NCAPG: variants seen among roughly 807,000 people sequenced by gnomAD.
NCAPG encodes condensin complex subunit 3.
Under a neutral mutation model 113.1 loss-of-function variants are expected in NCAPG, and 69 were observed. The observed-to-expected ratio is 0.61, with a 90% CI of 0.50 to 0.75. The LOEUF (loss-of-function observed/expected upper bound fraction) is 0.75. Among genes scored for constraint, NCAPG ranks in the 30% least tolerant of loss-of-function variants. The pLI is 0.00. For synonymous variants in NCAPG, 370 were observed against 415.8 expected (o/e 0.89, Z 1.34); for missense variants, 1,058 against 1,177.0 (o/e 0.90, Z 1.48).
intron 20 of NCAPG, chr4:17,842,647 C>G (rs1043687394): frequency 3.1e-6 from 1 of 319,582 alleles, no homozygotes. Context: ...GATGTGACTC[C>G]TCTTTGATCT....
Position 17,811,091 on chromosome 4 carries a change from G to T in NCAPG, c.14G>T (p.Arg5Met). 1 of 1,524,392 alleles carries T rather than the reference G, an allele frequency of 6.6e-7. No individual in the cohort carries two copies. Among genetic ancestry groups the T allele is most frequent in the Admixed American group, 2.1e-5 (1 of 48,418 alleles). 94.4% of individuals were successfully genotyped at this position (1,524,392 alleles called of 1,614,324 possible). Residue 5 changes from arginine to methionine, a missense_variant, in exon 1 of 21, where the codon AGG becomes ATG. Coordinates refer to ENST00000251496, the MANE Select transcript of NCAPG (RefSeq NM_022346.5). The surrounding 1 kb of genome is among the most constrained non-coding windows in gnomAD (Gnocchi z 5.3). ...GGTTCCAGAGCCATGGGAGCGGAAA[G>T]GAGGCTGCTGTCGATTAAGGAGGCC... The part of the protein sequence containing the change: MGAE[R>M]RLLSIKEAFR...
Position 17,813,155 on chromosome 4 carries a change from G to A in NCAPG, c.544+10G>A. On this transcript the variant is annotated intron_variant, in intron 3 of 20. Transcript: ENST00000251496. The stretch of plus-strand genomic sequence containing the variant: ...TGCCCAGTGGTTAATGGTGTGTGTA[G>A]TTTCCTAAATCTTTTTTCAGATTTG... 1 of 1,581,028 alleles carries A rather than the reference G, an allele frequency of 6.3e-7. No individual in the cohort carries two copies. Among genetic ancestry groups the A allele is most frequent in the Non-Finnish European group, 8.6e-7 (1 of 1,165,106 alleles).
At chr4:17,828,212 G>C (rs1721730041) in intron 11 of NCAPG, 66 bp from the exon 12 acceptor site, 6 of 1,166,692 alleles carry the variant, frequency 5.1e-6, no homozygotes, top group Non-Finnish European at 7.5e-6. Context: ...AAAGCCCTGA[G>C]AAAGCAAACA....
Position 17,842,308 on chromosome 4 carries a change from A to T in NCAPG, c.2855-2A>T. 1.2e-6 allele frequency: 2 copies of T among 1,611,410 alleles called. No homozygotes were observed. Among genetic ancestry groups the T allele is most frequent in the Non-Finnish European group, 1.7e-6 (2 of 1,177,934 alleles). On this transcript the variant is annotated splice_acceptor_variant, in intron 19 of 20. Transcript: ENST00000251496. LOFTEE classifies it high-confidence loss of function. ...CTGATAATGAATTATACTATCTTCA[A>T]GGACAGAGAAAAGTGACAGTTTCAG...
intron 13 of NCAPG, among the ~76,000 whole-genome samples, 200 bp downstream of exon 13, chr4:17,831,316 A>G (rs2109058709): frequency 6.6e-6 from 1 of 152,320 alleles, no homozygotes; most frequent in South Asian, 2.1e-4. Context: ...ATTATGTAAG[A>G]TATTCTTTTA....
rs1317747710 is a variant in NCAPG, at chr4:17,837,267, C to A, written c.2218C>A (p.Pro740Thr). Residue 740 changes from proline to threonine, a missense_variant, in exon 15 of 21, where the codon CCT becomes ACT. Transcript: ENST00000251496. ...LSRLILLWYN[P>T]VTEEDVQLRH... Reference sequence around the variant, plus strand: ...TCGTCTTATTTTGTTATGGTACAATCCTGTGACTGAAGAGGATGTTCAACT... The same window carrying A: ...TCGTCTTATTTTGTTATGGTACAATACTGTGACTGAAGAGGATGTTCAACT... 1 of 1,613,952 alleles carries A rather than the reference C, an allele frequency of 6.2e-7. No homozygotes were observed. The highest frequency in any genetic ancestry group is 1.7e-5 in the Admixed American group (1 of 59,974).
chr4:17,815,905 C>A (rs1721185897), intron 5 of NCAPG, among the ~76,000 whole-genome samples: 1 of 151,970 alleles, frequency 6.6e-6, no homozygotes, highest in South Asian at 2.1e-4. Context: ...ATACTTAAGT[C>A]TGTAGAGCTA....
chr4:17,840,074 G>A lies in NCAPG; in HGVS notation c.2632G>A (p.Val878Ile), dbSNP rs746015085. Residue 878 changes from valine to isoleucine, a missense_variant, in exon 18 of 21, where the codon GTA becomes ATA. Coordinates refer to ENST00000251496, the MANE Select transcript of NCAPG (RefSeq NM_022346.5). The stretch of plus-strand genomic sequence containing the variant: ...TTAATAATGTTTTCTTTTATAGCAA[G>A]TAAAAGATAGGACATGTCTGAGAGC... ...LVLLNEILEQVKDRTCLRALE... is the reference protein window; with the variant it reads ...LVLLNEILEQIKDRTCLRALE... The A allele has an allele frequency of 6.3e-7, 1 of 1,595,590 alleles. No individual in the cohort carries two copies. The highest frequency in any genetic ancestry group is 1.1e-5 in the South Asian group (1 of 87,008).
chr4:17,818,106 T>C lies in NCAPG; in HGVS notation c.1118+18T>C, dbSNP rs750892067. The stretch of plus-strand genomic sequence containing the variant: ...TTATTGAGGTAAATTTTTTTTCTTT[T>C]AGTTTGGAGAGTGATTGTGTTGCTG... On this transcript the variant is annotated intron_variant, in intron 7 of 20. Transcript: ENST00000251496. The C allele has an allele frequency of 3.8e-6, 6 of 1,590,634 alleles. No homozygotes were observed. The African/African-American group carries it at 6.8e-5, about 18-fold the overall frequency.
At chr4:17,833,469 A>AAT (rs1553851010) in intron 13 of NCAPG, among the ~76,000 whole-genome samples, 23 of 148,844 alleles carry the variant, frequency 1.5e-4, no homozygotes, top group African/African-American at 4.5e-4. Flanking sequence ...AAAAAAAAAA[A>AAT]ATATATATAT....
chr4:17,842,532 C>G, intron 20 of NCAPG, 153 bp downstream of exon 20: 1 of 619,796 alleles, frequency 1.6e-6, no homozygotes, highest in Admixed American at 3.0e-5. Context: ...TCTAAAATTC[C>G]ATCATCAAGA....
rs1262390442 is a variant in NCAPG, at chr4:17,834,427, A to C, written c.2013A>C (p.Glu671Asp). Residue 671 changes from glutamate (E) to aspartate (D), a missense_variant, in exon 14 of 21, where the codon GAA becomes GAC. Physicochemically the swap from Glu to Asp is conservative, Grantham distance 45. Coordinates refer to ENST00000251496, the MANE Select transcript of NCAPG (RefSeq NM_022346.5). Reference sequence around the variant, plus strand: ...AAACACTTCATTGTGAAGGTACAGAAATAAACAGTGATGATGAGCAAGAAT... The same window carrying C: ...AAACACTTCATTGTGAAGGTACAGACATAAACAGTGATGATGAGCAAGAAT... ...KIKTLHCEGT[E>D]INSDDEQESK... 1 of 1,612,250 alleles carries C rather than the reference A, an allele frequency of 6.2e-7. No individual in the cohort carries two copies. The highest frequency in any genetic ancestry group is 1.7e-5 in the Admixed American group (1 of 59,842).
chr4:17,832,964 T>C (rs1721921408), intron 13 of NCAPG, among the ~76,000 whole-genome samples: 1 of 152,228 alleles, frequency 6.6e-6, no homozygotes, highest in Non-Finnish European at 1.5e-5. Context: ...GAAATTTCTT[T>C]AAAAGTTTTG....
In NCAPG at chr4:17,817,840, T is replaced by C. The variant is rs1473937879; in HGVS notation, c.969-99T>C. ...GACTCTAATTAAAAGGATAGTGTAG[T>C]GGTTTTAAAGCAAATCTTATTATTC... On this transcript the variant is annotated intron_variant, in intron 6 of 20. Transcript: ENST00000251496. The C allele has an allele frequency of 3.3e-6, 4 of 1,200,946 alleles. No homozygotes were observed. The East Asian group carries it at 7.7e-5, about 23-fold the overall frequency. 74.4% of individuals were successfully genotyped at this position (1,200,946 alleles called of 1,614,324 possible).
Position 17,817,297 on chromosome 4 carries a change from A to G in NCAPG, c.812A>G (p.Gln271Arg). The change falls in exon 6 of 21, where the codon CAA becomes CGA. Residue 271 changes from glutamine (Q) to arginine (R), a missense_variant. Transcript: ENST00000251496. ...VKQAMQKHLL[Q>R]GWLRFSEGNI... ...CAAGCTATGCAGAAGCATCTTCTTC[A>G]AGGCTGGTTACGGTTCTCTGAAGGA... 6.2e-7 allele frequency: 1 copy of G among 1,614,076 alleles called. No homozygotes were observed. The highest frequency in any genetic ancestry group is 1.3e-5 in the African/African-American group (1 of 75,050).
At chr4:17,829,712 G>T (rs1010143170) in intron 12 of NCAPG, among the ~76,000 whole-genome samples, 3 of 152,164 alleles carry the variant, frequency 2.0e-5, no homozygotes, top group Non-Finnish European at 4.4e-5. Context: ...TTAAATAAAA[G>T]ATTTAATTAT....
chr4:17,842,115 T>TAA, intron 19 of NCAPG, 195 bp from the exon 20 acceptor site: 1 of 517,600 alleles, frequency 1.9e-6, no homozygotes, highest in Admixed American at 3.4e-5. Flanking sequence ...CAAAATAAAT[T>TAA]AAGTTTTAAT....
In NCAPG at chr4:17,843,950, A is replaced by ACTT. The variant is rs1000798429; in HGVS notation, c.*526_*528dup. ...TTCAACAACAGTTATTTTGACAAAAACTTATTTTGTGATTCCTACAGTGAA... is the reference window on the plus strand; with the variant it reads ...TTCAACAACAGTTATTTTGACAAAAACTTCTTATTTTGTGATTCCTACAGTGAA... On this transcript the variant is annotated 3_prime_UTR_variant, in exon 21 of 21. Coordinates refer to ENST00000251496, the MANE Select transcript of NCAPG (RefSeq NM_022346.5). The ACTT allele has an allele frequency of 4.6e-5, 7 of 151,966 alleles. No individual in the cohort carries two copies. Among genetic ancestry groups the ACTT allele is most frequent in the African/African-American group, 1.4e-4 (6 of 41,424 alleles). The allele number at this position is 151,966 out of a possible 1,614,324, so 9.4% of individuals were successfully genotyped here. A position where few individuals can be genotyped will look rare whatever the true frequency, so the allele number is the denominator to read the frequency against.
At chr4:17,830,644 G>A (rs1008700011) in intron 12 of NCAPG, among the ~76,000 whole-genome samples, 5 of 145,250 alleles carry the variant, frequency 3.4e-5, no homozygotes, top group African/African-American at 1.0e-4. Context: ...TTATATTTCT[G>A]TTGGATAGCA....
Sources: gnomAD v4.1 joint callset for allele counts (sites outside exome capture counted in the v4.1 genomes callset) on GRCh38, gnomAD v4.1.1 for gene constraint, Gnocchi (gnomAD v3.1) non-coding constraint, MANE v1.5 for transcripts, NCBI Gene and HGNC (gene_info 2026-07-23, HGNC 2026-07-21) for gene names.